The following ZNF727 variants were observed in gnomAD, a reference collection of about 807,000 sequenced individuals.
ZNF727 encodes the protein zinc finger protein 727.
A neutral mutation model predicts 11.5 loss-of-function variants in ZNF727; 11 were observed. The ratio of observed to expected loss-of-function variants is 0.95; its 90% CI spans 0.60 to 1.58. The LOEUF (loss-of-function observed/expected upper bound fraction) is 1.58, where lower values mean the gene tolerates loss of function less well. ZNF727 is among the 40% of genes most tolerant of loss of function. ZNF727 has a pLI of 0.00. For missense variants in ZNF727, 533 were observed against 581.7 expected, an observed-to-expected ratio of 0.92 and a Z score of 0.86; for synonymous variants, 171 against 196.1, an observed-to-expected ratio of 0.87 and a Z score of 1.07.
intron 3 of ZNF727, among the ~76,000 whole-genome samples, chr7:64,076,072 A>G (rs1426235113): frequency 2.6e-5 from 2 of 77,258 alleles, no homozygotes; most frequent in South Asian, 4.3e-4. Context: ...TTAGTTGGCT[A>G]TGTCATTAAT....
At chr7:64,063,424 TG>T (rs1055202464) in intron 1 of ZNF727, among the ~76,000 whole-genome samples, 30 of 152,190 alleles carry the variant, frequency 2.0e-4, no homozygotes, top group African/African-American at 5.3e-4. Flanking sequence ...AGAGAGTCTC[TG>T]GGTTACCAGG....
Position 64,084,283 on chromosome 7 carries a change from A to G in ZNF727, c.*5734A>G, listed in dbSNP as rs1785839307. On this transcript the variant is annotated 3_prime_UTR_variant, in exon 4 of 4. Transcript: ENST00000456806. ...AAGGAAATTGCTTTACCATTTGCAA[A>G]CTAAGGTAATTAAAATACAGTGAGT... Among the ~76,000 whole-genome samples, 1 of 152,228 alleles carries G rather than the reference A, an allele frequency of 6.6e-6. No individual in the cohort carries two copies. Among genetic ancestry groups the G allele is most frequent in the Admixed American group, 6.5e-5 (1 of 15,286 alleles).
At chr7:64,052,804 T>G (rs1331968965) in intron 1 of ZNF727, among the ~76,000 whole-genome samples, 1 of 152,208 alleles carries the variant, frequency 6.6e-6, no homozygotes, top group Non-Finnish European at 1.5e-5. Flanking sequence ...GTGACCTGGA[T>G]GTGAGACATG....
Position 64,080,490 on chromosome 7 carries a change from T to G in ZNF727, c.*1941T>G, listed in dbSNP as rs1295881769. Among the ~76,000 whole-genome samples, 1 of 152,130 alleles carries G rather than the reference T, an allele frequency of 6.6e-6. No homozygotes were observed. Among genetic ancestry groups the G allele is most frequent in the African/African-American group, 2.4e-5 (1 of 41,434 alleles). On this transcript the variant is annotated 3_prime_UTR_variant, in exon 4 of 4. Coordinates refer to ENST00000456806, the MANE Select transcript of ZNF727 (RefSeq NM_001159522.3). ...AAAGGTTTTGTATTGTGTTTTTCAG[T>G]TCTATCATGTTGGCCATATTTTTCT...
intron 1 of ZNF727, among the ~76,000 whole-genome samples, chr7:64,051,864 C>G (rs1003111541): frequency 2.0e-5 from 3 of 152,172 alleles, no homozygotes; most frequent in African/African-American, 7.2e-5. Context: ...TAAAACCTGC[C>G]TTTTCCAATT....
intron 1 of ZNF727, among the ~76,000 whole-genome samples, chr7:64,064,999 AG>A (rs2116303593): frequency 1.3e-5 from 2 of 152,260 alleles, no homozygotes; most frequent in African/African-American, 4.8e-5. Flanking sequence ...TGCTAAAACT[AG>A]GTCCTGTGAT....
At chr7:64,057,504 A>G (rs1302460687) in intron 1 of ZNF727, among the ~76,000 whole-genome samples, 1 of 152,164 alleles carries the variant, frequency 6.6e-6, no homozygotes, top group African/African-American at 2.4e-5. Context: ...TCGAAGCTGA[A>G]TGATGAGTTA....
At chr7:64,067,754 G>A (rs1016622304) in intron 1 of ZNF727, among the ~76,000 whole-genome samples, 11 of 152,090 alleles carry the variant, frequency 7.2e-5, no homozygotes, top group African/African-American at 2.7e-4. Flanking sequence ...GGGGGCAAGG[G>A]GAGGGAGAGC....
intron 1 of ZNF727, among the ~76,000 whole-genome samples, chr7:64,067,944 T>C (rs1233595827): frequency 6.6e-6 from 1 of 152,134 alleles, no homozygotes; most frequent in East Asian, 1.9e-4. Context: ...CTTATTTATA[T>C]ACACCATTAG....
At chr7:64,046,165 G>T (rs1466362460) in intron 1 of ZNF727, among the ~76,000 whole-genome samples, 1 of 152,136 alleles carries the variant, frequency 6.6e-6, no homozygotes, top group East Asian at 1.9e-4. Flanking sequence ...AGGGAGACAT[G>T]CGCCGCCACC....
chr7:64,077,995 G>T lies in ZNF727; in HGVS notation c.946G>T (p.Glu316Ter). 6.2e-7 allele frequency: 1 copy of T among 1,603,908 alleles called. No homozygotes were observed. The highest frequency in any genetic ancestry group is 1.1e-5 in the South Asian group (1 of 89,896). The part of the protein sequence containing the change: ...HTGEKPYKCN[E>*]CGKAFMWISA... ...TGGAGAGAAACCCTACAAATGTAAT[G>T]AATGTGGAAAAGCTTTTATGTGGAT... The change falls in exon 4 of 4, where the codon GAA becomes TAA. Residue 316 changes from glutamate (E) to a stop codon, truncating the protein, a stop_gained. Coordinates refer to ENST00000456806, the MANE Select transcript of ZNF727 (RefSeq NM_001159522.3). LOFTEE classifies it low-confidence loss of function (END_TRUNC).
At chr7:64,071,474 A>G (rs1789961373) in intron 3 of ZNF727, among the ~76,000 whole-genome samples, 1 of 151,954 alleles carries the variant, frequency 6.6e-6, no homozygotes, top group South Asian at 2.1e-4. Context: ...TGCTATTATC[A>G]TTATAGTTGC....
In ZNF727 at chr7:64,078,858, G is replaced by A. The variant is rs190320837; in HGVS notation, c.*309G>A. 6.6e-6 allele frequency among the ~76,000 whole-genome samples: 1 copy of A among 151,464 alleles called. No individual in the cohort carries two copies. Among genetic ancestry groups the A allele is most frequent in the African/African-American group, 2.4e-5 (1 of 41,246 alleles). On this transcript the variant is annotated 3_prime_UTR_variant, in exon 4 of 4. Coordinates refer to ENST00000456806, the MANE Select transcript of ZNF727 (RefSeq NM_001159522.3). ...TGTAACAAAGGCTATAGGTGGTTCT[G>A]AGACCTTGCTAAACATAAGATAATT...
rs1439110501 is a variant in ZNF727, at chr7:64,077,416, T to G, written c.367T>G (p.Cys123Gly). The G allele has an allele frequency of 5.2e-6, 8 of 1,551,882 alleles. No individual in the cohort carries two copies. In the South Asian group the frequency reaches 7.1e-5, roughly 14 times the overall value. ...GAAAGACTACCAACGTGTGGGTAAT[T>G]GCAAGGGGCAGAAAAGCAGTTATAA... ...LKKDYQRVGN[C>G]KGQKSSYNGI... Residue 123 changes from cysteine (C) to glycine (G), a missense_variant, in exon 4 of 4, where the codon TGC becomes GGC. Cys to Gly is a radical substitution (Grantham distance 159, BLOSUM62 -3). This residue lies in a region of ZNF727 where 463 missense variants were observed against 494.5 expected (regional missense o/e 0.94). Coordinates refer to ENST00000456806, the MANE Select transcript of ZNF727 (RefSeq NM_001159522.3).
In ZNF727 at chr7:64,084,558, T is replaced by C. The variant is rs992328464; in HGVS notation, c.*6009T>C. 6.6e-6 allele frequency among the ~76,000 whole-genome samples: 1 copy of C among 152,218 alleles called. No homozygotes were observed. Among genetic ancestry groups the C allele is most frequent in the African/African-American group, 2.4e-5 (1 of 41,470 alleles). On this transcript the variant is annotated 3_prime_UTR_variant, in exon 4 of 4. Coordinates refer to ENST00000456806, the MANE Select transcript of ZNF727 (RefSeq NM_001159522.3). ...ACCATAATTTGGAGAATATGATTCCTACAAATTAACATTTTTGTTTTTCTT... is the reference window on the plus strand; with the variant it reads ...ACCATAATTTGGAGAATATGATTCCCACAAATTAACATTTTTGTTTTTCTT...
chr7:64,057,729 T>TA (rs547619811), intron 1 of ZNF727, among the ~76,000 whole-genome samples: 61 of 142,192 alleles, frequency 4.3e-4, no homozygotes, highest in South Asian at 8.9e-4. Flanking sequence ...TTTAAAAAAG[T>TA]AAAAAAAAAA....
intron 1 of ZNF727, among the ~76,000 whole-genome samples, chr7:64,066,392 C>G (rs1268472882): frequency 1.3e-5 from 2 of 152,204 alleles, no homozygotes; most frequent in Non-Finnish European, 2.9e-5. Context: ...TGCTACCTGA[C>G]TTCAAACTAT....
intron 1 of ZNF727, among the ~76,000 whole-genome samples, chr7:64,060,920 G>A (rs1225243889): frequency 6.6e-6 from 1 of 151,320 alleles, no homozygotes; most frequent in Admixed American, 6.6e-5. Context: ...CTTAACTTCT[G>A]TATTGGCCCA....
At chr7:64,051,631 T>TA (rs1484709373) in intron 1 of ZNF727, among the ~76,000 whole-genome samples, 6 of 152,202 alleles carry the variant, frequency 3.9e-5, no homozygotes, top group African/African-American at 1.2e-4. Flanking sequence ...AGGTTTGGTC[T>TA]AAAAAACTTC....
Sources: allele counts gnomAD v4.1 joint callset (sites outside exome capture counted in the v4.1 genomes callset), GRCh38; gene constraint gnomAD v4.1.1; regional missense constraint gnomAD v4.1.1; transcripts MANE v1.5; gene names NCBI Gene and HGNC (gene_info 2026-07-23, HGNC 2026-07-21).